DEPDC4: variants seen among roughly 807,000 people sequenced by gnomAD.
DEPDC4 encodes DEP domain-containing protein 4.
A neutral mutation model predicts 52.0 loss-of-function variants in DEPDC4; 52 were observed. The observed-to-expected ratio is 1.00, with a 90% CI of 0.80 to 1.26. The LOEUF (loss-of-function observed/expected upper bound fraction) is 1.26, where lower values mean the gene tolerates loss of function less well. Ranked by LOEUF, DEPDC4 falls within the 50% of genes most tolerant of loss-of-function variation. The probability of loss-of-function intolerance (pLI) is 0.00; values close to 1 mark genes in which losing one functional copy is unlikely to be tolerated. For missense variants in DEPDC4, 530 were observed against 546.9 expected, an observed-to-expected ratio of 0.97 and a Z score of 0.31; for synonymous variants, 201 against 196.8, an observed-to-expected ratio of 1.02 and a Z score of -0.18.
intron 4 of DEPDC4, among the ~76,000 whole-genome samples, chr12:100,255,162 C>G (rs1288048483): frequency 6.6e-6 from 1 of 152,200 alleles, no homozygotes; most frequent in Non-Finnish European, 1.5e-5. Context: ...CTAATCTGCC[C>G]TTTTTGCCTG....
intron 9 of DEPDC4, among the ~76,000 whole-genome samples, chr12:100,242,089 A>G (rs567065248): frequency 1.3e-5 from 2 of 152,212 alleles, no homozygotes; most frequent in Non-Finnish European, 2.9e-5. Flanking sequence ...CCCAGTTTCA[A>G]GAGAAATACA....
At chr12:100,256,368 G>T (rs1229090183) in intron 3 of DEPDC4, 142 bp from the exon 4 acceptor site, 2 of 527,332 alleles carry the variant, frequency 3.8e-6, no homozygotes, top group African/African-American at 3.8e-5. Flanking sequence ...TTAATGCTTA[G>T]ATAATTTACA....
In DEPDC4 at chr12:100,256,108, A is replaced by G. The variant is rs553435715; in HGVS notation, c.819T>C (p.Asp273=). ...TQNLQLNKEE[D]LVITNTCLDR... is the part of the protein sequence containing the mutation. ...CTAGGCAAGTGTTAGTGATAACAAG[A>G]TCTTCCTCTTTGTTTAGTTGAAGAT... The change falls in exon 4 of 10, where the codon GAT becomes GAC. Residue 273 remains aspartate, a synonymous_variant. Transcript: ENST00000550587. The G allele has an allele frequency of 6.2e-7, 1 of 1,613,362 alleles. No homozygotes were observed. Among genetic ancestry groups the G allele is most frequent in the Non-Finnish European group, 8.5e-7 (1 of 1,179,578 alleles).
At chr12:100,259,323 CAAG>C (rs1388387313) in intron 3 of DEPDC4, among the ~76,000 whole-genome samples, 2 of 151,988 alleles carry the variant, frequency 1.3e-5, no homozygotes, top group African/African-American at 4.8e-5. Flanking sequence ...GGGATTTCCC[CAAG>C]AAGATGAAAT....
At chr12:100,259,358 C>G (rs1461549392) in intron 3 of DEPDC4, among the ~76,000 whole-genome samples, 3 of 152,126 alleles carry the variant, frequency 2.0e-5, no homozygotes, top group African/African-American at 7.2e-5. Context: ...CCTGATACAC[C>G]TGAGCATGCC....
At chr12:100,271,805 T>G (rs990776365), upstream of DEPDC4, among the ~76,000 whole-genome samples, 27 of 152,316 alleles carry the variant, frequency 1.8e-4, no homozygotes, top group African/African-American at 5.8e-4. Flanking sequence ...GGGAAAAAAG[T>G]AAAAATATAT....
the DEPDC4 span, among the ~76,000 whole-genome samples, chr12:100,272,764 T>C: frequency 6.6e-6 from 1 of 152,188 alleles, no homozygotes; most frequent in Non-Finnish European, 1.5e-5. Flanking sequence ...ACTTGTTTCT[T>C]AATTTTTCCT....
At chr12:100,279,923 C>T in the DEPDC4 span, among the ~76,000 whole-genome samples, 1 of 152,216 alleles carries the variant, frequency 6.6e-6, no homozygotes. Context: ...TTCAGCATAG[C>T]TTCATTCACT....
chr12:100,274,279 C>T, the DEPDC4 span, among the ~76,000 whole-genome samples: 1 of 152,198 alleles, frequency 6.6e-6, no homozygotes, highest in African/African-American at 2.4e-5. Context: ...ATGTGCTCCT[C>T]TTGCACATTT....
upstream of DEPDC4, among the ~76,000 whole-genome samples, chr12:100,269,301 C>T (rs779857002): frequency 5.9e-5 from 9 of 151,914 alleles, no homozygotes; most frequent in Non-Finnish European, 1.2e-4. Context: ...TATGCTACTT[C>T]CTCTGCTTGG....
chr12:100,255,770 G>C, intron 4 of DEPDC4: 1 of 209,044 alleles, frequency 4.8e-6, no homozygotes, highest in East Asian at 1.0e-4. Context: ...GCATTATTTA[G>C]GGTAATAAAA....
intron 3 of DEPDC4, among the ~76,000 whole-genome samples, chr12:100,256,786 C>G (rs892342933): frequency 2.0e-5 from 3 of 151,760 alleles, no homozygotes; most frequent in African/African-American, 7.3e-5. Context: ...GGACTACAGG[C>G]GCCCACCACC....
At chr12:100,274,586 T>A in the DEPDC4 span, among the ~76,000 whole-genome samples, 2 of 152,180 alleles carry the variant, frequency 1.3e-5, no homozygotes, top group African/African-American at 4.8e-5. Context: ...TAAGTGGCTT[T>A]CTCATAGAAT....
At chr12:100,278,024 G>A in the DEPDC4 span, among the ~76,000 whole-genome samples, 1 of 151,648 alleles carries the variant, frequency 6.6e-6, no homozygotes, top group Non-Finnish European at 1.5e-5. Context: ...TTCCCCTCCT[G>A]TTCTTTCTTG....
intron 2 of DEPDC4, among the ~76,000 whole-genome samples, chr12:100,263,070 G>C (rs1184700496): frequency 1.3e-5 from 2 of 152,068 alleles, no homozygotes; most frequent in Non-Finnish European, 2.9e-5. Context: ...CGATTCTTGT[G>C]CCTCACTCAG....
intron 5 of DEPDC4, 55 bp downstream of exon 5, chr12:100,253,434 A>G (rs1336087132): frequency 1.4e-6 from 1 of 725,956 alleles, no homozygotes; most frequent in Non-Finnish European, 2.0e-6. Flanking sequence ...TTCAACTTGT[A>G]TATTTTAAAA....
At chr12:100,253,331 T>C (rs1431721302) in intron 5 of DEPDC4, among the ~76,000 whole-genome samples, 158 bp downstream of exon 5, 1 of 152,228 alleles carries the variant, frequency 6.6e-6, no homozygotes, top group Admixed American at 6.5e-5. Context: ...TAGGCAATAG[T>C]AGTGAAGTAA....
chr12:100,264,714 G>A (rs755182898), intron 1 of DEPDC4, among the ~76,000 whole-genome samples: 2 of 151,794 alleles, frequency 1.3e-5, no homozygotes, highest in Non-Finnish European at 2.9e-5. Flanking sequence ...ATGAAAGAGG[G>A]TCACATACCC....
chr12:100,265,579 A>G (rs2096269194), intron 1 of DEPDC4, among the ~76,000 whole-genome samples: 1 of 151,966 alleles, frequency 6.6e-6, no homozygotes, highest in South Asian at 2.1e-4. Flanking sequence ...TGGGCAAGGG[A>G]AAAAAAACAG....
Sources: gnomAD v4.1 joint callset for allele counts (sites outside exome capture counted in the v4.1 genomes callset) on GRCh38, gnomAD v4.1.1 for gene constraint, MANE v1.5 for transcripts, NCBI Gene and HGNC (gene_info 2026-07-23, HGNC 2026-07-21) for gene names.